The following DHRSX variants were observed in gnomAD, a reference collection of about 807,000 sequenced individuals.
The protein encoded by DHRSX is polyprenol dehydrogenase.
Under a neutral mutation model 34.0 loss-of-function variants are expected in DHRSX, and 31 were observed. The observed-to-expected ratio is 0.91, with a 90% CI of 0.69 to 1.23. The LOEUF is 1.23. Ranked by LOEUF, DHRSX falls within the 50% of genes most tolerant of loss-of-function variation. The pLI, the probability that DHRSX is intolerant of heterozygous loss-of-function variation, is 0.00. For missense variants in DHRSX, 414 were observed against 428.1 expected, an observed-to-expected ratio of 0.97 and a Z score of 0.29; for synonymous variants, 201 against 183.8, an observed-to-expected ratio of 1.09 and a Z score of -0.76.
At chrX:2,297,649 G>A (rs2041949778) in intron 3 of DHRSX, among the ~76,000 whole-genome samples, 1 of 152,040 alleles carries the variant, frequency 6.6e-6, no homozygotes, top group South Asian at 2.1e-4. Flanking sequence ...ATAGAGACAG[G>A]GGTCTCTCTA....
At chrX:2,341,371 C>A (rs1297448136) in intron 3 of DHRSX, among the ~76,000 whole-genome samples, 2 of 152,110 alleles carry the variant, frequency 1.3e-5, no homozygotes, top group African/African-American at 4.8e-5. Flanking sequence ...CAGGGACATG[C>A]TCCCTGCTCT....
chrX:2,359,941 C>T (rs190651578), intron 3 of DHRSX, among the ~76,000 whole-genome samples: 1 of 152,064 alleles, frequency 6.6e-6, no homozygotes, highest in East Asian at 1.9e-4. Flanking sequence ...GGAGGAGGGA[C>T]AGGATCAGGA....
chrX:2,270,881 A>G (rs1289895215), intron 4 of DHRSX, among the ~76,000 whole-genome samples: 1 of 152,084 alleles, frequency 6.6e-6, no homozygotes, highest in Non-Finnish European at 1.5e-5. Flanking sequence ...AAAATGGACC[A>G]ATCAATGCTC....
At chrX:2,479,025 T>G (rs1231685952) in intron 1 of DHRSX, among the ~76,000 whole-genome samples, 1 of 150,688 alleles carries the variant, frequency 6.6e-6, no homozygotes, top group South Asian at 2.1e-4. Flanking sequence ...ACTGAAGTCA[T>G]TCCCTAAGCA....
intron 1 of DHRSX, among the ~76,000 whole-genome samples, chrX:2,438,092 G>A (rs919988718): frequency 3.4e-5 from 5 of 148,090 alleles, no homozygotes; most frequent in Non-Finnish European, 4.5e-5. Context: ...CAGGAGAATC[G>A]CTTGAACCCG....
At chrX:2,411,071 T>C (rs1293259622) in intron 2 of DHRSX, among the ~76,000 whole-genome samples, 1 of 152,154 alleles carries the variant, frequency 6.6e-6, no homozygotes, top group Non-Finnish European at 1.5e-5. Context: ...ATTCCATCTA[T>C]AAATGTCCTA....
intron 2 of DHRSX, among the ~76,000 whole-genome samples, chrX:2,421,375 G>A (rs1187258962): frequency 6.6e-6 from 1 of 152,162 alleles, no homozygotes; most frequent in Non-Finnish European, 1.5e-5. Context: ...GTGAGACGCT[G>A]TCTCAAAAAT....
intron 3 of DHRSX, among the ~76,000 whole-genome samples, chrX:2,402,066 T>C (rs747909043): frequency 4.0e-5 from 6 of 151,884 alleles, no homozygotes; most frequent in African/African-American, 1.5e-4. Context: ...GAGAGAGAAT[T>C]GAGAGCAGGA....
intron 5 of DHRSX, among the ~76,000 whole-genome samples, chrX:2,263,512 CTTT>C (rs775187535): frequency 1.4e-4 from 18 of 130,444 alleles, no homozygotes; most frequent in African/African-American, 4.0e-4. Flanking sequence ...ATTTTTCTTT[CTTT>C]TTTTTTTTTT....
At chrX:2,313,906 G>A (rs2042194182) in intron 3 of DHRSX, among the ~76,000 whole-genome samples, 1 of 151,964 alleles carries the variant, frequency 6.6e-6, no homozygotes, top group South Asian at 2.1e-4. Flanking sequence ...AACTCAACCT[G>A]GGGGCTGCCA....
At chrX:2,305,270 C>A (rs754923549) in intron 3 of DHRSX, among the ~76,000 whole-genome samples, 31 of 152,002 alleles carry the variant, frequency 2.0e-4, no homozygotes, top group African/African-American at 6.5e-4. Flanking sequence ...TAGTGAAGTA[C>A]AAATCAAAAC....
intron 3 of DHRSX, among the ~76,000 whole-genome samples, chrX:2,305,932 A>C (rs1195576168): frequency 6.6e-6 from 1 of 151,934 alleles, no homozygotes; most frequent in Non-Finnish European, 1.5e-5. Context: ...TGGCACGTCT[A>C]TACCTATATA....
intron 3 of DHRSX, among the ~76,000 whole-genome samples, chrX:2,379,457 G>T (rs1211541071): frequency 1.3e-5 from 2 of 152,132 alleles, no homozygotes; most frequent in East Asian, 3.9e-4. Flanking sequence ...AATGAGGATA[G>T]CCCAGTCACT....
rs1339088006 is a variant in DHRSX, at chrX:2,282,513, G to C, written c.388+8989C>G. On this transcript the variant is annotated intron_variant, in intron 4 of 6. Transcript: ENST00000334651. ...GAAGACAAAGGAGATAGAGAGACAA[G>C]GGGAGAGACAGGAAGAGAAAGGAGA... Among the ~76,000 whole-genome samples the C allele has an allele frequency of 2.7e-5, 4 of 147,478 alleles. No individual in the cohort carries two copies. The East Asian group carries it at 8.2e-4, about 30-fold the overall frequency.
chrX:2,371,268 CCTTCTA>C (rs1196846158), intron 3 of DHRSX, among the ~76,000 whole-genome samples: 2 of 150,402 alleles, frequency 1.3e-5, no homozygotes, highest in Non-Finnish European at 3.0e-5. Flanking sequence ...TACCATAGAC[CCTTCTA>C]CTTCTGTTAC....
intron 4 of DHRSX, among the ~76,000 whole-genome samples, chrX:2,270,706 C>T (rs187042838): frequency 1.3e-5 from 2 of 152,236 alleles, no homozygotes; most frequent in East Asian, 3.9e-4. Flanking sequence ...AAAAAATAAA[C>T]GTGGATGGAG....
At chrX:2,324,605 C>T (rs980458069) in intron 3 of DHRSX, among the ~76,000 whole-genome samples, 1 of 152,022 alleles carries the variant, frequency 6.6e-6, no homozygotes, top group African/African-American at 2.4e-5. Flanking sequence ...GGACCATGTC[C>T]TATTCACACT....
chrX:2,416,301 T>C (rs1482528434), intron 2 of DHRSX, among the ~76,000 whole-genome samples: 1 of 152,082 alleles, frequency 6.6e-6, no homozygotes, highest in African/African-American at 2.4e-5. Flanking sequence ...CCAACCCAAG[T>C]AGACTTCATC....
At chrX:2,373,477 C>T (rs2043103633) in intron 3 of DHRSX, among the ~76,000 whole-genome samples, 1 of 152,144 alleles carries the variant, frequency 6.6e-6, no homozygotes, top group Admixed American at 6.5e-5. Flanking sequence ...CCATTCTCCC[C>T]ACGCCAGAAT....
Sources: allele counts gnomAD v4.1 joint callset (sites outside exome capture counted in the v4.1 genomes callset), GRCh38; gene constraint gnomAD v4.1.1; transcripts MANE v1.5; gene names NCBI Gene and HGNC (gene_info 2026-07-23, HGNC 2026-07-21).